EFHC2: variants seen among roughly 807,000 people sequenced by gnomAD.
The protein encoded by EFHC2 is EF-hand domain-containing family member C2.
A neutral mutation model predicts 52.7 loss-of-function variants in EFHC2; 18 were observed. The observed-to-expected ratio is 0.34, with a 90% confidence interval of 0.24 to 0.51. The LOEUF (loss-of-function observed/expected upper bound fraction) is 0.51. Among genes scored for constraint, EFHC2 ranks in the 20% least tolerant of loss-of-function variants. The pLI, the probability that EFHC2 is intolerant of heterozygous loss-of-function variation, is 0.97. For synonymous variants in EFHC2, 203 were observed against 204.1 expected, an observed-to-expected ratio of 0.99 and a Z score of 0.04; for missense variants, 513 against 562.5, an observed-to-expected ratio of 0.91 and a Z score of 0.89.
At position 44,259,625 on chromosome X, in the gene EFHC2, T is replaced by C. The variant is rs1158912373; in HGVS notation, c.606+1450A>G. On this transcript the variant is annotated intron_variant, in intron 4 of 14. Transcript: ENST00000420999. The stretch of plus-strand genomic sequence containing the variant: ...CTGCGCATTTTCATATAATCCATCA[T>C]TATTCACAATCACTATCATATAACA... Among the ~76,000 whole-genome samples the C allele has an allele frequency of 6.2e-5, 7 of 112,342 alleles. No homozygotes were observed. The East Asian group carries it at 1.9e-3, about 31-fold the overall frequency.
chrX:44,235,292 G>GTA lies in EFHC2; in HGVS notation c.1423+11_1423+12dup. ...TGTTCTCAAGAAAATACTGTGAAGA[G>GTA]TATATCTCTTACCTGAATTCCTCTC... On this transcript the variant is annotated intron_variant, in intron 9 of 14. Coordinates refer to ENST00000420999, the MANE Select transcript of EFHC2 (RefSeq NM_025184.4). 5 of 1,143,553 alleles carry GTA rather than the reference G, an allele frequency of 4.4e-6. No individual in the cohort carries two copies. The highest frequency in any genetic ancestry group is 5.8e-6 in the Non-Finnish European group (5 of 859,626). The allele number at this position is 1,143,553 out of a possible 1,213,427, so 94.2% of individuals were successfully genotyped here.
At chrX:44,341,779 G>T (rs2038153318) in intron 1 of EFHC2, among the ~76,000 whole-genome samples, 1 of 112,622 alleles carries the variant, frequency 8.9e-6, no homozygotes. Context: ...TATTCATTTT[G>T]TGATCATCCA....
intron 3 of EFHC2, among the ~76,000 whole-genome samples, chrX:44,264,735 T>G (rs1335902931): frequency 8.9e-6 from 1 of 112,235 alleles, no homozygotes; most frequent in Non-Finnish European, 1.9e-5. Flanking sequence ...AACTGTGTCC[T>G]TTGAGAATTA....
intron 2 of EFHC2, among the ~76,000 whole-genome samples, chrX:44,282,382 A>T (rs1222613006): frequency 2.0e-5 from 2 of 102,200 alleles, no homozygotes; most frequent in African/African-American, 7.1e-5. Flanking sequence ...GGCAGGTGGA[A>T]CACCTGAGAT....
At position 44,158,381 on chromosome X, in the gene EFHC2, A is replaced by C. The variant is rs1393737862; in HGVS notation, c.2148+5541T>G. Among the ~76,000 whole-genome samples the C allele has an allele frequency of 1.2e-4, 13 of 111,362 alleles. No homozygotes were observed. The East Asian group carries it at 3.4e-3, about 29-fold the overall frequency. ...CCTGGTAACTTCTACAGAGCTCTTC[A>C]TAACACCTCTGAAACTTTAACCCAA... On this transcript the variant is annotated intron_variant, in intron 14 of 14. Coordinates refer to ENST00000420999, the MANE Select transcript of EFHC2 (RefSeq NM_025184.4).
At chrX:44,270,222 T>G (rs1213006466) in intron 3 of EFHC2, among the ~76,000 whole-genome samples, 1 of 111,846 alleles carries the variant, frequency 8.9e-6, no homozygotes, top group Non-Finnish European at 1.9e-5. Context: ...AAATACTTCT[T>G]GGCAATGCTG....
chrX:44,259,910 AAAG>A (rs1328629732), intron 4 of EFHC2, among the ~76,000 whole-genome samples: 1 of 112,076 alleles, frequency 8.9e-6, no homozygotes. Context: ...CAACAACATT[AAAG>A]AATAATTCTG....
chrX:44,209,790 C>G lies in EFHC2; in HGVS notation c.1751+19859G>C, dbSNP rs145074134. Reference sequence around the variant, plus strand: ...GTACTTACAGCCACTCCCCATTGCTCGCATTACTGCCGGAGCTCTGCCTCC... The same window carrying G: ...GTACTTACAGCCACTCCCCATTGCTGGCATTACTGCCGGAGCTCTGCCTCC... On this transcript the variant is annotated intron_variant, in intron 11 of 14. Transcript: ENST00000420999. Among the ~76,000 whole-genome samples the G allele has an allele frequency of 5.5e-3, 596 of 109,149 alleles. 6 individuals carry two copies. The highest frequency in any genetic ancestry group is 0.019 in the African/African-American group (570 of 29,982). 94.8% of individuals were successfully genotyped at this position (109,149 alleles called of 115,157 possible).
chrX:44,185,276 G>A (rs758841486), intron 11 of EFHC2, among the ~76,000 whole-genome samples: 1 of 112,017 alleles, frequency 8.9e-6, no homozygotes, highest in East Asian at 2.8e-4. Flanking sequence ...ATATTCAGGA[G>A]TAAGTCTAAA....
At chrX:44,270,717 G>A (rs904879217) in intron 3 of EFHC2, among the ~76,000 whole-genome samples, 1 of 110,883 alleles carries the variant, frequency 9.0e-6, no homozygotes, top group Admixed American at 9.6e-5. Context: ...TCATTCATCG[G>A]TGACACCCAT....
At chrX:44,232,924 C>T (rs758063825) in intron 9 of EFHC2, among the ~76,000 whole-genome samples, 6 of 111,399 alleles carry the variant, frequency 5.4e-5, no homozygotes, top group South Asian at 3.8e-4. Context: ...GTCCCAGCAA[C>T]GCAAGAGGCT....
At chrX:44,234,591 C>A (rs1047143336) in intron 9 of EFHC2, among the ~76,000 whole-genome samples, 1 of 111,917 alleles carries the variant, frequency 8.9e-6, no homozygotes, top group African/African-American at 3.3e-5. Context: ...GCAAACAGTA[C>A]AAATCAGGGC....
In EFHC2 at chrX:44,177,824, A is replaced by G. The variant is rs145381184; in HGVS notation, c.1949+543T>C. Among the ~76,000 whole-genome samples, 477 of 110,943 alleles carry G rather than the reference A, an allele frequency of 4.3e-3. 15 individuals carry two copies. The East Asian group carries it at 0.1, about 24-fold the overall frequency. ...AACCCTCCTAACATTTTGATTTACT[A>G]TGCTTCAGTTGAAAGCTTCTAGAAA... On this transcript the variant is annotated intron_variant, in intron 12 of 14. Coordinates refer to ENST00000420999, the MANE Select transcript of EFHC2 (RefSeq NM_025184.4).
At chrX:44,294,266 G>GTGTGTT (rs2037812682) in intron 2 of EFHC2, among the ~76,000 whole-genome samples, 1 of 85,980 alleles carries the variant, frequency 1.2e-5, no homozygotes, top group African/African-American at 4.1e-5. Flanking sequence ...GTGTGTGTGT[G>GTGTGTT]TGTGTGTGTG....
chrX:44,157,528 C>T (rs2036616517), intron 14 of EFHC2, among the ~76,000 whole-genome samples: 1 of 111,104 alleles, frequency 9.0e-6, no homozygotes, highest in South Asian at 3.9e-4. Flanking sequence ...ATCAGGAGAT[C>T]AGAAAACAGG....
chrX:44,240,012 CATA>C (rs1353848313), intron 8 of EFHC2, among the ~76,000 whole-genome samples: 2 of 112,018 alleles, frequency 1.8e-5, no homozygotes, highest in East Asian at 2.8e-4. Flanking sequence ...GCATTAACCT[CATA>C]ATAATAGCAC....
intron 7 of EFHC2, among the ~76,000 whole-genome samples, chrX:44,244,092 C>T (rs1232415920): frequency 1.8e-5 from 2 of 112,012 alleles, no homozygotes; most frequent in Admixed American, 9.4e-5. Context: ...TCTACACTTC[C>T]CCCTAGAATT....
intron 3 of EFHC2, among the ~76,000 whole-genome samples, chrX:44,266,516 T>C (rs943812721): frequency 9.1e-6 from 1 of 109,958 alleles, no homozygotes; most frequent in Non-Finnish European, 1.9e-5. Context: ...TTTATATTTT[T>C]AGTCGACGAG....
At chrX:44,204,802 A>T (rs1447271310) in intron 11 of EFHC2, among the ~76,000 whole-genome samples, 1 of 112,127 alleles carries the variant, frequency 8.9e-6, no homozygotes, top group East Asian at 2.8e-4. Context: ...CAATTTGGAA[A>T]ACATTTGAGG....
Sources: gnomAD v4.1 joint callset for allele counts (sites outside exome capture counted in the v4.1 genomes callset) on GRCh38, gnomAD v4.1.1 for gene constraint, MANE v1.5 for transcripts, NCBI Gene and HGNC (gene_info 2026-07-23, HGNC 2026-07-21) for gene names.